Variants in LDB3 observed in about 807,000 individuals in gnomAD.
The protein encoded by LDB3 is LIM domain binding 3, also known as LIM domain-binding protein 3.
In LDB3, 49 loss-of-function variants were observed where a neutral mutation model predicts 69.0. That is an observed-to-expected ratio of 0.71 (90% CI 0.56 to 0.90). LDB3 has a LOEUF of 0.90. LDB3 is among the 40% of genes least tolerant of loss of function. LDB3 has a pLI of 0.00. For missense variants in LDB3, 928 were observed against 974.1 expected (o/e 0.95, Z 0.63); for synonymous variants, 387 against 396.2 (o/e 0.98, Z 0.28).
intron 7 of LDB3, among the ~76,000 whole-genome samples, chr10:86,705,744 G>A (rs1005566468): frequency 2.0e-5 from 3 of 152,200 alleles, no homozygotes; most frequent in Admixed American, 2.0e-4. Context: ...CAGGTGCTCA[G>A]GACCATGTTC....
At chr10:86,688,050 C>CGTGTGTGTGT (rs71487273) in intron 5 of LDB3, among the ~76,000 whole-genome samples, 9,584 of 102,812 alleles carry the variant, frequency 0.093, 716 homozygotes, top group Non-Finnish European at 0.13. Flanking sequence ...CCCCGACCCT[C>CGTGTGTGTGT]GTGTGTGTGT....
chr10:86,733,031 C>G lies in LDB3; in HGVS notation c.*55C>G, dbSNP rs1284772761. On this transcript the variant is annotated 3_prime_UTR_variant, in exon 14 of 14. Coordinates refer to ENST00000361373, the MANE Select transcript of LDB3 (RefSeq NM_007078.3). The stretch of plus-strand genomic sequence containing the variant: ...CCGGAGCTGCTCCTGCTGCTGGCAA[C>G]AAAGGATTCGGGAGGCTGATGTTTC... 7.8e-7 allele frequency: 1 copy of G among 1,280,340 alleles called. No homozygotes were observed. The highest frequency in any genetic ancestry group is 1.1e-6 in the Non-Finnish European group (1 of 888,402). 79.3% of individuals were successfully genotyped at this position (1,280,340 alleles called of 1,614,324 possible). A position where few individuals can be genotyped will look rare whatever the true frequency, so the allele number is the denominator to read the frequency against.
At chr10:86,697,536 T>C (rs1028358791) in intron 7 of LDB3, among the ~76,000 whole-genome samples, 1 of 145,182 alleles carries the variant, frequency 6.9e-6, no homozygotes, top group Non-Finnish European at 1.5e-5. Flanking sequence ...CTTTTTTTTC[T>C]TTTTCTTTCT....
At position 86,679,590 on chromosome 10, in the gene LDB3, T is replaced by G. The variant is rs561289158; in HGVS notation, c.245+72T>G. The G allele has an allele frequency of 2.1e-5, 33 of 1,546,604 alleles. No individual in the cohort carries two copies. The South Asian group carries it at 2.8e-4, about 13-fold the overall frequency. ...CATGGGGCAGGGGCCAAAAGAGGGATTGTCCCATAGCAATTGAGTGGGCCC... is the reference window on the plus strand; with the variant it reads ...CATGGGGCAGGGGCCAAAAGAGGGAGTGTCCCATAGCAATTGAGTGGGCCC... On this transcript the variant is annotated intron_variant, in intron 3 of 13. Coordinates refer to ENST00000361373, the MANE Select transcript of LDB3 (RefSeq NM_007078.3).
rs767124118 is a variant in LDB3 at position 86,681,672 on chromosome 10, G to A, written c.558G>A (p.Leu186=). 3 of 1,613,396 alleles carry A rather than the reference G, an allele frequency of 1.9e-6. No individual in the cohort carries two copies. Among genetic ancestry groups the A allele is most frequent in the Non-Finnish European group, 2.5e-6 (3 of 1,179,912 alleles). Residue 186 remains leucine, a synonymous_variant, in exon 5 of 14, where the codon CTG becomes CTA. Transcript: ENST00000361373. ...GARDLLGPKA[L]PGSSQPRQYN... Reference sequence around the variant, plus strand: ...GGGACCTACTCGGCCCAAAAGCCCTGCCGGGCTCGAGCCAGCCGAGGCAAT... The same window carrying A: ...GGGACCTACTCGGCCCAAAAGCCCTACCGGGCTCGAGCCAGCCGAGGCAAT...
chr10:86,668,535 C>T lies in LDB3; in HGVS notation c.-59C>T, dbSNP rs1844271205. Reference sequence around the variant, plus strand: ...TATTCTTAGGAGCCTCTCAAGAGCTCCACGCAGCCCGGCTGGGCAGCAAGG... The same window carrying T: ...TATTCTTAGGAGCCTCTCAAGAGCTTCACGCAGCCCGGCTGGGCAGCAAGG... On this transcript the variant is annotated 5_prime_UTR_variant, in exon 1 of 14. Transcript: ENST00000361373. 1.4e-6 allele frequency: 1 copy of T among 714,684 alleles called. No homozygotes were observed. The highest frequency in any genetic ancestry group is 2.6e-6 in the Non-Finnish European group (1 of 391,324). 44.3% of individuals were successfully genotyped at this position (714,684 alleles called of 1,614,324 possible). A position where few individuals can be genotyped will look rare whatever the true frequency, so the allele number is the denominator to read the frequency against.
chr10:86,696,227 C>T (rs1845991058), intron 7 of LDB3, among the ~76,000 whole-genome samples: 1 of 152,232 alleles, frequency 6.6e-6, no homozygotes, highest in South Asian at 2.1e-4. Context: ...CCTGCAGCCA[C>T]CTCGCTTACA....
intron 12 of LDB3, among the ~76,000 whole-genome samples, chr10:86,720,898 T>C (rs1847060284): frequency 6.6e-6 from 1 of 152,236 alleles, no homozygotes; most frequent in African/African-American, 2.4e-5. Flanking sequence ...CAGACCTAGG[T>C]AACTGGAGAG....
Position 86,734,095 on chromosome 10 carries a change from G to T in LDB3, c.*1119G>T, listed in dbSNP as rs937436619. 6 of 152,154 alleles carry T rather than the reference G, an allele frequency of 3.9e-5. No homozygotes were observed. The highest frequency in any genetic ancestry group is 5.9e-5 in the Non-Finnish European group (4 of 68,034). The allele number at this position is 152,154 out of a possible 1,614,324, so 9.4% of individuals were successfully genotyped here. ...AGGAGGCAGGACCTCCCACCTTCAG[G>T]TCTGCATCATCCTTTTCAAATGTTC... On this transcript the variant is annotated 3_prime_UTR_variant, in exon 14 of 14. Transcript: ENST00000361373.
intron 9 of LDB3, among the ~76,000 whole-genome samples, chr10:86,711,893 T>C (rs1314684838): frequency 6.6e-6 from 1 of 151,602 alleles, no homozygotes; most frequent in East Asian, 1.9e-4. Flanking sequence ...TCACCTTGTT[T>C]AATTACATAT....
chr10:86,731,995 CT>C (rs1847478124), intron 13 of LDB3, among the ~76,000 whole-genome samples: 1 of 133,858 alleles, frequency 7.5e-6, no homozygotes, highest in African/African-American at 2.9e-5. Flanking sequence ...ATTTTCTTTT[CT>C]TTCTTTCTTT....
chr10:86,671,019 C>T (rs539975717), intron 2 of LDB3, among the ~76,000 whole-genome samples: 48 of 152,306 alleles, frequency 3.2e-4, no homozygotes, highest in African/African-American at 9.9e-4. Context: ...CATCCCCCTA[C>T]GGGGGAGGCA....
chr10:86,704,019 CAGG>C (rs1250016166), intron 7 of LDB3, among the ~76,000 whole-genome samples: 7 of 151,684 alleles, frequency 4.6e-5, no homozygotes, highest in African/African-American at 1.5e-4. Flanking sequence ...GAGGCTGGGA[CAGG>C]AGAATTGTAT....
intron 7 of LDB3, among the ~76,000 whole-genome samples, chr10:86,695,075 T>C (rs1284913825): frequency 6.6e-6 from 1 of 152,210 alleles, no homozygotes; most frequent in African/African-American, 2.4e-5. Context: ...AGAGCCTGGG[T>C]TTGCCAATCC....
chr10:86,669,590 A>T (rs1432666262), intron 2 of LDB3, among the ~76,000 whole-genome samples: 1 of 152,200 alleles, frequency 6.6e-6, no homozygotes, highest in Non-Finnish European at 1.5e-5. Context: ...GCAGGGACTG[A>T]TGGGGGAACA....
chr10:86,713,066 AT>A lies in LDB3; in HGVS notation c.1231+3017del, dbSNP rs1275399639. Among the ~76,000 whole-genome samples, 193 of 71,500 alleles carry A rather than the reference AT, an allele frequency of 2.7e-3. No individual in the cohort carries two copies. In the Middle Eastern group the frequency reaches 0.03, roughly 11 times the overall value. The allele number at this position is 71,500 out of a possible 152,430, so 46.9% of individuals were successfully genotyped here. A position where few individuals can be genotyped will look rare whatever the true frequency, so the allele number is the denominator to read the frequency against. On this transcript the variant is annotated intron_variant, in intron 9 of 13. Coordinates refer to ENST00000361373, the MANE Select transcript of LDB3 (RefSeq NM_007078.3). ...GACAGAGCAAGGCTCCGTCTCAAAA[AT>A]ATATATATATATATATAATTTCAAC...
chr10:86,686,938 G>A, intron 5 of LDB3: 1 of 835,508 alleles, frequency 1.2e-6, no homozygotes, highest in Non-Finnish European at 2.0e-6. Flanking sequence ...TGGGGGTTCA[G>A]GGCCTCGGCT....
At position 86,718,794 on chromosome 10, in the gene LDB3, C is replaced by T. The variant is rs1162433809; in HGVS notation, c.1925C>T (p.Pro642Leu). The change falls in exon 12 of 14, where the codon CCT becomes CTT. Residue 642 changes from proline to leucine, a missense_variant. Coordinates refer to ENST00000361373, the MANE Select transcript of LDB3 (RefSeq NM_007078.3). The stretch of plus-strand genomic sequence containing the variant: ...TTCGTCTGTGCGGCCTGCAAGAAGC[C>T]TTTTGGGAACAGCCTCTTCCACATG... ...TCFVCAACKK[P>L]FGNSLFHMED... 6.2e-7 allele frequency: 1 copy of T among 1,614,014 alleles called. No homozygotes were observed. The highest frequency in any genetic ancestry group is 8.5e-7 in the Non-Finnish European group (1 of 1,180,026).
chr10:86,710,089 T>C, intron 9 of LDB3, 39 bp downstream of exon 9: 1 of 1,605,336 alleles, frequency 6.2e-7, no homozygotes, highest in Non-Finnish European at 8.5e-7. Flanking sequence ...TCGAAAGCCA[T>C]GGGCGGGCTC....
Sources: allele counts gnomAD v4.1 joint callset (sites outside exome capture counted in the v4.1 genomes callset), GRCh38; gene constraint gnomAD v4.1.1; transcripts MANE v1.5; gene names NCBI Gene and HGNC (gene_info 2026-07-23, HGNC 2026-07-21).